FRMD6: variants seen among roughly 807,000 people sequenced by gnomAD.
The protein encoded by FRMD6 is FERM domain-containing protein 6.
A neutral mutation model predicts 73.2 loss-of-function variants in FRMD6; 37 were observed. That is an observed-to-expected ratio of 0.51 (90% CI 0.39 to 0.66). FRMD6 has a LOEUF of 0.66. Ranked by LOEUF, FRMD6 falls within the 30% of genes least tolerant of loss-of-function variation. FRMD6 has a pLI of 0.00. For synonymous variants in FRMD6, 273 were observed against 282.2 expected, an observed-to-expected ratio of 0.97 and a Z score of 0.33; for missense variants, 714 against 780.5, an observed-to-expected ratio of 0.91 and a Z score of 1.02.
intron 1 of FRMD6, among the ~76,000 whole-genome samples, chr14:51,513,090 C>T (rs1001731073): frequency 6.6e-6 from 1 of 152,192 alleles, no homozygotes; most frequent in Admixed American, 6.5e-5. Flanking sequence ...AAGAGAGTCT[C>T]TATGCCAGAC....
At chr14:51,654,307 G>GC (rs1555331552) in intron 1 of FRMD6, among the ~76,000 whole-genome samples, 1 of 140,472 alleles carries the variant, frequency 7.1e-6, no homozygotes, top group Non-Finnish European at 1.5e-5. Flanking sequence ...AGCTGAATTG[G>GC]GGGGGGGGTC....
At chr14:51,657,536 G>A (rs1171722120) in intron 1 of FRMD6, among the ~76,000 whole-genome samples, 3 of 152,096 alleles carry the variant, frequency 2.0e-5, no homozygotes, top group Non-Finnish European at 4.4e-5. Context: ...GATGTAGGTC[G>A]CAATAGGTCT....
chr14:51,447,388 T>TA, the FRMD6 span, among the ~76,000 whole-genome samples: 2 of 152,242 alleles, frequency 1.3e-5, no homozygotes, highest in Admixed American at 1.3e-4. Flanking sequence ...CTCATGGGAA[T>TA]CAGTGTTCTT....
At chr14:51,672,074 A>C (rs1894048495) in intron 1 of FRMD6, among the ~76,000 whole-genome samples, 2 of 152,240 alleles carry the variant, frequency 1.3e-5, no homozygotes, top group African/African-American at 4.8e-5. Context: ...AATTGTAACA[A>C]GAGATGAAAC....
chr14:51,433,380 C>T, the FRMD6 span, among the ~76,000 whole-genome samples: 15 of 152,100 alleles, frequency 9.9e-5, no homozygotes, highest in African/African-American at 3.4e-4. Context: ...AGGAAAATCT[C>T]TCTGAAATAA....
intron 1 of FRMD6, among the ~76,000 whole-genome samples, chr14:51,663,078 C>T (rs185147837): frequency 2.6e-4 from 39 of 152,186 alleles, no homozygotes; most frequent in Non-Finnish European, 5.3e-4. Context: ...TACCATCTCA[C>T]ACCAGTCAGA....
the FRMD6 span, among the ~76,000 whole-genome samples, chr14:51,410,250 G>C: frequency 6.6e-6 from 1 of 152,200 alleles, no homozygotes; most frequent in Non-Finnish European, 1.5e-5. Context: ...CCACTACAGT[G>C]TGAGTACTGT....
At chr14:51,483,691 A>T in the FRMD6 span, among the ~76,000 whole-genome samples, 1 of 152,268 alleles carries the variant, frequency 6.6e-6, no homozygotes, top group Non-Finnish European at 1.5e-5. Context: ...TAGGGTTTTA[A>T]TCAGGGAAGT....
chr14:51,452,596 A>G, the FRMD6 span, among the ~76,000 whole-genome samples: 26 of 152,236 alleles, frequency 1.7e-4, no homozygotes, highest in African/African-American at 5.8e-4. Context: ...TGACTTGGAT[A>G]GAGTATATTT....
At chr14:51,423,404 T>C in the FRMD6 span, among the ~76,000 whole-genome samples, 6 of 152,352 alleles carry the variant, frequency 3.9e-5, no homozygotes, top group South Asian at 1.2e-3. Flanking sequence ...TCTTCTCAGC[T>C]TGCGTGTAGC....
At chr14:51,532,356 G>A (rs552436726) in intron 1 of FRMD6, among the ~76,000 whole-genome samples, 14 of 127,632 alleles carry the variant, frequency 1.1e-4, no homozygotes, top group Admixed American at 7.9e-4. Flanking sequence ...GTGACAGAGC[G>A]AGACTCCATC....
At chr14:51,585,561 C>T (rs908574654) in intron 2 of FRMD6, among the ~76,000 whole-genome samples, 3 of 152,104 alleles carry the variant, frequency 2.0e-5, no homozygotes, top group Admixed American at 2.0e-4. Context: ...CCAGGTTTCA[C>T]ATTTATGAGC....
At chr14:51,474,195 A>G in the FRMD6 span, among the ~76,000 whole-genome samples, 1 of 152,180 alleles carries the variant, frequency 6.6e-6, no homozygotes, top group Non-Finnish European at 1.5e-5. Flanking sequence ...ACAGATTTCA[A>G]TTTCATTTCA....
chr14:51,728,049 G>A lies in FRMD6; in HGVS notation c.*20G>A. ...GTGTAAAGTCCGTCTGTGTGCAGCT[G>A]TACAGGCAGCTTACTGTTTGCTAGA... is the stretch of plus-strand genomic sequence containing the variant. On this transcript the variant is annotated 3_prime_UTR_variant, in exon 14 of 14. Coordinates refer to ENST00000344768, the MANE Select transcript of FRMD6 (RefSeq NM_001267046.2). 1 of 1,589,262 alleles carries A rather than the reference G, an allele frequency of 6.3e-7. No individual in the cohort carries two copies. The highest frequency in any genetic ancestry group is 8.6e-7 in the Non-Finnish European group (1 of 1,162,538).
intron 1 of FRMD6, among the ~76,000 whole-genome samples, chr14:51,676,810 C>G (rs1281999518): frequency 6.6e-6 from 1 of 152,084 alleles, no homozygotes; most frequent in African/African-American, 2.4e-5. Context: ...ATATGTCATC[C>G]TACCTCCAGC....
chr14:51,418,578 A>C, the FRMD6 span, among the ~76,000 whole-genome samples: 1 of 152,158 alleles, frequency 6.6e-6, no homozygotes, highest in African/African-American at 2.4e-5. Context: ...TGCCTGTATG[A>C]GGTGTCAGTC....
chr14:51,411,919 C>T, the FRMD6 span, among the ~76,000 whole-genome samples: 402 of 152,266 alleles, frequency 2.6e-3, no homozygotes, highest in African/African-American at 7.4e-3. Flanking sequence ...AAAGCATGCT[C>T]AATTTGAAGG....
At chr14:51,562,591 TC>T (rs1887543479) in intron 1 of FRMD6, among the ~76,000 whole-genome samples, 1 of 152,154 alleles carries the variant, frequency 6.6e-6, no homozygotes, top group South Asian at 2.1e-4. Flanking sequence ...CAAAGAGCAT[TC>T]CCTCACTCCA....
chr14:51,496,578 A>C (rs574853578), intron 1 of FRMD6, among the ~76,000 whole-genome samples: 56 of 152,332 alleles, frequency 3.7e-4, no homozygotes, highest in Admixed American at 3.1e-3. Context: ...AAAAGCTGCG[A>C]AGCCTCTTCA....
Sources: allele counts gnomAD v4.1 joint callset (sites outside exome capture counted in the v4.1 genomes callset), GRCh38; gene constraint gnomAD v4.1.1; transcripts MANE v1.5; gene names NCBI Gene and HGNC (gene_info 2026-07-23, HGNC 2026-07-21).